Variants in AKR1C2 observed in about 807,000 individuals in gnomAD.
AKR1C2 encodes the protein 3-alpha-HSD3.
Under a neutral mutation model 39.8 loss-of-function variants are expected in AKR1C2, and 27 were observed. The observed-to-expected ratio is 0.68, with a 90% CI of 0.50 to 0.93. AKR1C2 has a LOEUF of 0.93. AKR1C2 is among the 40% of genes least tolerant of loss of function. The pLI is 0.00. For missense variants in AKR1C2, 263 were observed against 365.1 expected (o/e 0.72, Z 2.28); for synonymous variants, 114 against 137.9 (o/e 0.83, Z 1.22).
At chr10:5,014,950 T>C (rs1415121092) in intron 1 of AKR1C2, 3 of 152,270 alleles carry the variant, frequency 2.0e-5, no homozygotes, top group Non-Finnish European at 4.4e-5. Context: ...CTCAGCCTTT[T>C]GCACAGAAGT....
chr10:4,997,824 G>A (rs1837112047), intron 5 of AKR1C2, among the ~76,000 whole-genome samples: 1 of 152,302 alleles, frequency 6.6e-6, no homozygotes, highest in South Asian at 2.1e-4. Flanking sequence ...TGTAACATTT[G>A]GGGGCAGTCA....
At chr10:5,011,741 G>C (rs1408736928) in intron 1 of AKR1C2, among the ~76,000 whole-genome samples, 1 of 152,194 alleles carries the variant, frequency 6.6e-6, no homozygotes, top group African/African-American at 2.4e-5. Flanking sequence ...AACCTGTGTG[G>C]GGATTGAAAG....
rs1436450835 is a variant in AKR1C2, at chr10:4,989,467, G to T, written c.*529C>A. The T allele has an allele frequency of 1.3e-5, 2 of 150,520 alleles. No individual in the cohort carries two copies. Among genetic ancestry groups the T allele is most frequent in the African/African-American group, 4.9e-5 (2 of 40,666 alleles). 9.3% of individuals were successfully genotyped at this position (150,520 alleles called of 1,614,324 possible). ...CCTCACAGGGATGCCTCCTCCCAAG[G>T]CTCCAGAAACTCTGACCCTCGCACT... On this transcript the variant is annotated 3_prime_UTR_variant, in exon 9 of 9. Coordinates refer to ENST00000380753, the MANE Select transcript of AKR1C2 (RefSeq NM_001393392.1).
intron 5 of AKR1C2, among the ~76,000 whole-genome samples, chr10:4,996,358 A>G (rs1212578898): frequency 6.6e-6 from 1 of 151,420 alleles, no homozygotes; most frequent in Admixed American, 6.6e-5. Flanking sequence ...ACTAGAAAAT[A>G]TACATATACA....
intron 1 of AKR1C2, among the ~76,000 whole-genome samples, 174 bp from the exon 2 acceptor site, chr10:5,001,855 T>C (rs564640618): frequency 6.6e-6 from 1 of 152,316 alleles, no homozygotes; most frequent in East Asian, 1.9e-4. Flanking sequence ...GTAATAAAGG[T>C]TGGGCATAGC....
rs140418550 is a variant in AKR1C2, at chr10:4,990,963, G to A, written c.929+868C>T. Among the ~76,000 whole-genome samples the A allele has an allele frequency of 3.3e-5, 5 of 150,936 alleles. 1 individual carries two copies. Among genetic ancestry groups the A allele is most frequent in the Admixed American group, 6.6e-5 (1 of 15,228 alleles). ...TTGGGTACTTATGATGTACCATTGT[G>A]CTTGTTTTTTTCACACATTATCTCA... is the stretch of plus-strand genomic sequence containing the variant. On this transcript the variant is annotated intron_variant, in intron 8 of 8. Transcript: ENST00000380753.
intron 1 of AKR1C2, chr10:5,017,878 C>T (rs115967485): frequency 0.048 from 7,271 of 152,614 alleles, 588 homozygotes; most frequent in African/African-American, 0.17. Context: ...AGGCATGGCA[C>T]GGGAGGCCTC....
chr10:4,989,294 T>G lies in AKR1C2; in HGVS notation c.*702A>C, dbSNP rs1382132954. On this transcript the variant is annotated 3_prime_UTR_variant, in exon 9 of 9. Coordinates refer to ENST00000380753, the MANE Select transcript of AKR1C2 (RefSeq NM_001393392.1). ...GGTTTGTTAAAACAATGTGGAAAGT[T>G]TTCTTTTATGAACAAGATATAATGA... is the stretch of plus-strand genomic sequence containing the variant. 9 of 152,208 alleles carry G rather than the reference T, an allele frequency of 5.9e-5. No homozygotes were observed. The highest frequency in any genetic ancestry group is 5.9e-4 in the Admixed American group (9 of 15,268). The allele number at this position is 152,208 out of a possible 1,614,324, so 9.4% of individuals were successfully genotyped here.
intron 1 of AKR1C2, among the ~76,000 whole-genome samples, chr10:5,003,170 G>A (rs1390846065): frequency 6.7e-6 from 1 of 150,010 alleles, no homozygotes; most frequent in African/African-American, 2.4e-5. Context: ...TATTAACAAA[G>A]ACAAAGAATT....
chr10:5,006,734 T>C (rs1837413792), upstream of AKR1C2: 1 of 139,288 alleles, frequency 7.2e-6, no homozygotes, highest in African/African-American at 2.6e-5. Flanking sequence ...ATGTGATCAA[T>C]AAAAAAAAAT....
rs1475425107 is a variant in AKR1C2, at chr10:4,990,032, A to G, written c.936T>C (p.Ala312=). ...CAGAAAATGGATAATTAGGGGGGCC[A>G]GCAAAACTGGAAAGAGAAAAAAAAA... is the stretch of plus-strand genomic sequence containing the variant. ...NVRYLTLDIF[A]GPPNYPFSDE... is the part of the protein sequence containing the mutation. Residue 312 remains alanine (A), a synonymous_variant, in exon 9 of 9, where the codon GCT becomes GCC. Coordinates refer to ENST00000380753, the MANE Select transcript of AKR1C2 (RefSeq NM_001393392.1). The G allele has an allele frequency of 6.2e-7, 1 of 1,601,508 alleles. No individual in the cohort carries two copies. Among genetic ancestry groups the G allele is most frequent in the Non-Finnish European group, 8.5e-7 (1 of 1,176,546 alleles).
intron 5 of AKR1C2, among the ~76,000 whole-genome samples, chr10:4,996,537 A>T (rs1186954914): frequency 1.5e-5 from 2 of 133,616 alleles, no homozygotes; most frequent in Non-Finnish European, 3.2e-5. Context: ...CATATATATT[A>T]TATATATATA....
At chr10:5,010,238 C>T (rs1288156374) in intron 1 of AKR1C2, 1 of 151,624 alleles carries the variant, frequency 6.6e-6, no homozygotes, top group Non-Finnish European at 1.5e-5. Flanking sequence ...GCCTGTGCAC[C>T]TGCCCATCTC....
Position 5,001,648 on chromosome 10 carries a change from A to G in AKR1C2, c.118T>C (p.Leu40=). 1.9e-6 allele frequency: 3 copies of G among 1,613,938 alleles called. No homozygotes were observed. Among genetic ancestry groups the G allele is most frequent in the Non-Finnish European group, 2.5e-6 (3 of 1,179,828 alleles). ...TGGTGGAACCCGGCTTCTATTGCCA[A>G]TTTGACGGCCTCTAGAGCTTTACTT... ...PKSKALEAVK[L]AIEAGFHHID... The change falls in exon 2 of 9, where the codon TTG becomes CTG. Residue 40 remains leucine (L), a synonymous_variant. Coordinates refer to ENST00000380753, the MANE Select transcript of AKR1C2 (RefSeq NM_001393392.1).
intron 1 of AKR1C2, among the ~76,000 whole-genome samples, chr10:5,010,063 G>T (rs1397908832): frequency 7.0e-6 from 1 of 143,738 alleles, no homozygotes; most frequent in Non-Finnish European, 1.5e-5. Context: ...GATATAGAAA[G>T]CTGTCACACT....
chr10:4,994,471 G>C (rs1169632820), intron 7 of AKR1C2, among the ~76,000 whole-genome samples: 1 of 152,122 alleles, frequency 6.6e-6, no homozygotes, highest in African/African-American at 2.4e-5. Flanking sequence ...CCTGTAACTT[G>C]CATTAGGTGA....
At position 4,988,492 on chromosome 10, in the gene AKR1C2, G is replaced by C. The variant is rs1836733921; in HGVS notation, c.*1504C>G. Reference sequence around the variant, plus strand: ...CAGAGAATATCTAAGATCATCAACGGAATGAGAGTAGACCAGAAATAATCC... The same window carrying C: ...CAGAGAATATCTAAGATCATCAACGCAATGAGAGTAGACCAGAAATAATCC... On this transcript the variant is annotated 3_prime_UTR_variant, in exon 9 of 9. Transcript: ENST00000380753. The C allele has an allele frequency of 6.6e-6, 1 of 152,180 alleles. No individual in the cohort carries two copies. The highest frequency in any genetic ancestry group is 2.1e-4 in the South Asian group (1 of 4,824). The allele number at this position is 152,180 out of a possible 1,614,324, so 9.4% of individuals were successfully genotyped here. A position where few individuals can be genotyped will look rare whatever the true frequency, so the allele number is the denominator to read the frequency against.
chr10:5,000,336 G>T (rs1430117953), intron 3 of AKR1C2: 1 of 1,530,054 alleles, frequency 6.5e-7, no homozygotes, highest in Non-Finnish European at 8.8e-7. Context: ...TGAGGATTCT[G>T]CACTCTCTTT....
chr10:4,993,802 A>C (rs1410367441), intron 7 of AKR1C2, among the ~76,000 whole-genome samples: 2 of 151,304 alleles, frequency 1.3e-5, no homozygotes, highest in African/African-American at 4.9e-5. Flanking sequence ...ATATTATATA[A>C]CACATATGTC....
Sources: allele counts gnomAD v4.1 joint callset (sites outside exome capture counted in the v4.1 genomes callset), GRCh38; gene constraint gnomAD v4.1.1; transcripts MANE v1.5; gene names NCBI Gene and HGNC (gene_info 2026-07-23, HGNC 2026-07-21).